Variants in GPC6 observed in about 807,000 individuals in gnomAD.
The protein encoded by GPC6 is glypican-6.
A neutral mutation model predicts 55.2 loss-of-function variants in GPC6; 14 were observed. The ratio of observed to expected loss-of-function variants is 0.25; its 90% CI spans 0.17 to 0.40. The LOEUF is 0.40. GPC6 is among the 10% of genes least tolerant of loss of function. The probability of loss-of-function intolerance (pLI) is 1.00; values close to 1 mark genes in which losing one functional copy is unlikely to be tolerated. For synonymous variants in GPC6, 278 were observed against 259.6 expected, an observed-to-expected ratio of 1.07 and a Z score of -0.68; for missense variants, 641 against 708.5, an observed-to-expected ratio of 0.90 and a Z score of 1.08.
chr13:93,339,603 C>T (rs1046122952), intron 1 of GPC6, among the ~76,000 whole-genome samples: 1 of 152,062 alleles, frequency 6.6e-6, no homozygotes, highest in South Asian at 2.1e-4. Context: ...GTGAATTGGT[C>T]GTAAGGGGTG....
At chr13:94,196,702 CGA>C (rs1889588043) in intron 4 of GPC6, among the ~76,000 whole-genome samples, 1 of 152,118 alleles carries the variant, frequency 6.6e-6, no homozygotes, top group Non-Finnish European at 1.5e-5. Flanking sequence ...CTTGGTGTTA[CGA>C]GAGTTGGCAT....
chr13:93,585,011 A>C (rs1430117922), intron 2 of GPC6, among the ~76,000 whole-genome samples: 1 of 152,172 alleles, frequency 6.6e-6, no homozygotes, highest in East Asian at 1.9e-4. Context: ...TTTAAAATCC[A>C]ACCTATTTCT....
intron 2 of GPC6, among the ~76,000 whole-genome samples, chr13:93,821,504 G>A (rs564274741): frequency 2.6e-4 from 40 of 152,232 alleles, no homozygotes; most frequent in Admixed American, 3.3e-4. Context: ...CAGTTCAGGC[G>A]CACAGTCTCT....
At chr13:93,820,905 G>C (rs562161984) in intron 2 of GPC6, among the ~76,000 whole-genome samples, 1 of 152,100 alleles carries the variant, frequency 6.6e-6, no homozygotes, top group South Asian at 2.1e-4. Flanking sequence ...TGAGTGCATT[G>C]TGGAGTTTTC....
chr13:93,230,824 C>G (rs1875979821), intron 1 of GPC6, among the ~76,000 whole-genome samples: 2 of 152,092 alleles, frequency 1.3e-5, no homozygotes, highest in African/African-American at 4.8e-5. Flanking sequence ...GAAAATAGCA[C>G]CTGCTTAAAA....
At chr13:93,276,495 A>AGT (rs71675979) in intron 1 of GPC6, among the ~76,000 whole-genome samples, 16,274 of 93,546 alleles carry the variant, frequency 0.17, 1,570 homozygotes, top group Non-Finnish European at 0.23. Context: ...AGAGAGAGAG[A>AGT]GTGTGTGTGT....
intron 6 of GPC6, among the ~76,000 whole-genome samples, chr13:94,309,203 C>T (rs556035896): frequency 2.0e-5 from 3 of 152,218 alleles, no homozygotes; most frequent in African/African-American, 2.4e-5. Context: ...CTTCCAAGGA[C>T]GATATCAAAA....
intron 1 of GPC6, among the ~76,000 whole-genome samples, chr13:93,343,380 G>T (rs902892162): frequency 6.6e-6 from 1 of 152,128 alleles, no homozygotes; most frequent in Non-Finnish European, 1.5e-5. Flanking sequence ...CATCGAGCCT[G>T]TGAGCATTGA....
intron 1 of GPC6, among the ~76,000 whole-genome samples, chr13:93,448,990 T>C (rs563517165): frequency 6.6e-6 from 1 of 152,342 alleles, no homozygotes; most frequent in East Asian, 1.9e-4. Flanking sequence ...ACAAGAAACA[T>C]AATTCAGAAT....
At chr13:94,115,598 G>A (rs1236098486) in intron 4 of GPC6, among the ~76,000 whole-genome samples, 2 of 152,048 alleles carry the variant, frequency 1.3e-5, no homozygotes, top group Non-Finnish European at 2.9e-5. Context: ...TGTAATCCAG[G>A]TAGAAGAGAT....
intron 2 of GPC6, among the ~76,000 whole-genome samples, chr13:93,585,608 C>A (rs757336071): frequency 2.0e-4 from 30 of 152,144 alleles, no homozygotes; most frequent in Non-Finnish European, 3.5e-4. Context: ...TGGTCTTCTT[C>A]AGTAATTAAT....
At chr13:94,147,228 CTG>C (rs1887593138) in intron 4 of GPC6, among the ~76,000 whole-genome samples, 1 of 152,142 alleles carries the variant, frequency 6.6e-6, no homozygotes, top group Non-Finnish European at 1.5e-5. Flanking sequence ...TCTCCTGATT[CTG>C]TCTTTCCTAT....
intron 3 of GPC6, among the ~76,000 whole-genome samples, chr13:93,935,560 T>C (rs925867476): frequency 6.6e-6 from 1 of 152,212 alleles, no homozygotes; most frequent in Non-Finnish European, 1.5e-5. Flanking sequence ...GTGATGAACA[T>C]ATGAGTGCAG....
Position 94,186,059 on chromosome 13 carries a change from C to CAA in GPC6, c.878-100290_878-100289insAA, listed in dbSNP as rs776003680. Among the ~76,000 whole-genome samples the CAA allele has an allele frequency of 1.6e-4, 10 of 63,856 alleles. 3 individuals are homozygous for CAA. The highest frequency in any genetic ancestry group is 1.4e-4 in the Non-Finnish European group (5 of 34,860). The allele number at this position is 63,856 out of a possible 152,430, so 41.9% of individuals were successfully genotyped here. On this transcript the variant is annotated intron_variant, in intron 4 of 8. Coordinates refer to ENST00000377047, the MANE Select transcript of GPC6 (RefSeq NM_005708.5). ...TAGGTGACAGAGCGAGACTCCGTCT[C>CAA]CAAAAAAAAAAAAAAAAAAAAGGTT...
intron 4 of GPC6, among the ~76,000 whole-genome samples, chr13:94,077,949 G>T (rs1317427424): frequency 6.6e-6 from 1 of 151,830 alleles, no homozygotes; most frequent in Non-Finnish European, 1.5e-5. Flanking sequence ...CTACCCAACA[G>T]TGGCAGAATA....
chr13:94,018,620 T>G (rs769056987), intron 3 of GPC6, among the ~76,000 whole-genome samples: 44 of 152,312 alleles, frequency 2.9e-4, no homozygotes, highest in African/African-American at 4.3e-4. Flanking sequence ...CTCTTGGATT[T>G]GCTTTGATAG....
At chr13:93,887,457 A>C (rs897751789) in intron 3 of GPC6, among the ~76,000 whole-genome samples, 16 of 152,126 alleles carry the variant, frequency 1.1e-4, no homozygotes, top group African/African-American at 4.8e-5. Context: ...CAGAGATAAC[A>C]CCCACTAGAA....
chr13:93,611,942 A>ATC (rs1878480358), intron 2 of GPC6, among the ~76,000 whole-genome samples: 2 of 152,184 alleles, frequency 1.3e-5, no homozygotes, highest in South Asian at 4.1e-4. Context: ...TAATAAAATT[A>ATC]AACTCACAGT....
chr13:93,585,852 T>G (rs993000574), intron 2 of GPC6, among the ~76,000 whole-genome samples: 1 of 152,144 alleles, frequency 6.6e-6, no homozygotes, highest in Non-Finnish European at 1.5e-5. Flanking sequence ...ATGTTATTTG[T>G]TATAGGAAAA....
Sources: gnomAD v4.1 joint callset for allele counts (sites outside exome capture counted in the v4.1 genomes callset) on GRCh38, gnomAD v4.1.1 for gene constraint, MANE v1.5 for transcripts, NCBI Gene and HGNC (gene_info 2026-07-23, HGNC 2026-07-21) for gene names.